Variants in KIF6 observed in about 807,000 individuals in gnomAD.
KIF6 encodes the protein kinesin-like protein KIF6.
Under a neutral mutation model 112.7 loss-of-function variants are expected in KIF6, and 106 were observed. That is an observed-to-expected ratio of 0.94 (90% CI 0.80 to 1.11). The LOEUF (loss-of-function observed/expected upper bound fraction) is 1.11. Ranked by LOEUF, KIF6 falls within the 50% of genes least tolerant of loss-of-function variation. The probability of loss-of-function intolerance (pLI) is 0.00; values close to 1 mark genes in which losing one functional copy is unlikely to be tolerated. For synonymous variants in KIF6, 339 were observed against 339.9 expected, an observed-to-expected ratio of 1.00 and a Z score of 0.03; for missense variants, 929 against 964.0, an observed-to-expected ratio of 0.96 and a Z score of 0.48.
Position 39,361,789 on chromosome 6 carries a change from C to G in KIF6, c.1946+645G>C, listed in dbSNP as rs577012462. On this transcript the variant is annotated intron_variant, in intron 17 of 22. Transcript: ENST00000287152. ...CTGGGTGTGCGTCGGGGGGCAGGGGCGGTGGTGCATGCCAGGTCAGCTGGG... is the reference window on the plus strand; with the variant it reads ...CTGGGTGTGCGTCGGGGGGCAGGGGGGGTGGTGCATGCCAGGTCAGCTGGG... Among the ~76,000 whole-genome samples the G allele has an allele frequency of 1.3e-3, 146 of 108,614 alleles. 1 individual carries two copies. The highest frequency in any genetic ancestry group is 4.7e-3 in the African/African-American group (135 of 28,620). The allele number at this position is 108,614 out of a possible 152,430, so 71.3% of individuals were successfully genotyped here. A position where few individuals can be genotyped will look rare whatever the true frequency, so the allele number is the denominator to read the frequency against.
intron 13 of KIF6, among the ~76,000 whole-genome samples, chr6:39,530,513 A>G (rs1242932062): frequency 6.6e-6 from 1 of 152,224 alleles, no homozygotes; most frequent in Non-Finnish European, 1.5e-5. Context: ...AAACCAAAAC[A>G]GACATTTAAA....
At chr6:39,423,363 C>T (rs1001912717) in intron 14 of KIF6, among the ~76,000 whole-genome samples, 1 of 152,122 alleles carries the variant, frequency 6.6e-6, no homozygotes, top group Non-Finnish European at 1.5e-5. Flanking sequence ...GTCTTTTTCC[C>T]CCTCTCTCTG....
chr6:39,339,203 CCAGCTCTCACCA>C (rs1339599198), intron 22 of KIF6, among the ~76,000 whole-genome samples: 1 of 152,132 alleles, frequency 6.6e-6, no homozygotes, highest in Non-Finnish European at 1.5e-5. Context: ...TGGTGTTGGG[CCAGCTCTCACCA>C]CAGAGGCCAC....
chr6:39,374,204 A>G (rs1300239286), intron 16 of KIF6, among the ~76,000 whole-genome samples: 1 of 152,216 alleles, frequency 6.6e-6, no homozygotes, highest in East Asian at 1.9e-4. Context: ...TCCCTATCTC[A>G]AACCATAAAG....
intron 15 of KIF6, among the ~76,000 whole-genome samples, chr6:39,396,437 A>T (rs796968030): frequency 9.2e-5 from 14 of 152,230 alleles, no homozygotes; most frequent in African/African-American, 3.4e-4. Flanking sequence ...TGCACTGGGA[A>T]ACTGTGGTGG....
At chr6:39,362,341 T>G in intron 17 of KIF6, 93 bp downstream of exon 17, 1 of 940,290 alleles carries the variant, frequency 1.1e-6, no homozygotes. Context: ...TGGACCCACA[T>G]CCCTGAGTAG....
intron 13 of KIF6, among the ~76,000 whole-genome samples, chr6:39,504,449 T>C (rs1006129485): frequency 2.0e-5 from 3 of 152,170 alleles, no homozygotes; most frequent in African/African-American, 7.2e-5. Context: ...AAGAGAAGGA[T>C]GTCCTCTGTC....
At chr6:39,688,099 A>G (rs1787978483) in intron 3 of KIF6, among the ~76,000 whole-genome samples, 1 of 152,222 alleles carries the variant, frequency 6.6e-6, no homozygotes, top group Non-Finnish European at 1.5e-5. Flanking sequence ...CTTGAGAAGG[A>G]ACTCATCTTC....
At chr6:39,429,082 A>G (rs776058919) in intron 14 of KIF6, among the ~76,000 whole-genome samples, 5 of 152,230 alleles carry the variant, frequency 3.3e-5, no homozygotes, top group Non-Finnish European at 7.3e-5. Context: ...GTCCATATAC[A>G]GAGCCATGTA....
intron 16 of KIF6, among the ~76,000 whole-genome samples, chr6:39,379,262 G>A (rs1766716379): frequency 6.6e-6 from 1 of 152,198 alleles, no homozygotes. Context: ...TTGCTCAGCT[G>A]TGGAGTCCAA....
chr6:39,384,415 G>T (rs540809050), intron 16 of KIF6, among the ~76,000 whole-genome samples: 1 of 152,176 alleles, frequency 6.6e-6, no homozygotes, highest in African/African-American at 2.4e-5. Context: ...AAGACACTTC[G>T]CAGAATCTCA....
rs1417206695 is a variant in KIF6 at position 39,364,777 on chromosome 6, G to A, written c.1862-2259C>T. ...TCAGCTAGATTCTTGGTCTCAGAGA[G>A]GGCCATGGATAACTCAAGGTTACAT... is the stretch of plus-strand genomic sequence containing the variant. On this transcript the variant is annotated intron_variant, in intron 16 of 22. Transcript: ENST00000287152. Among the ~76,000 whole-genome samples, 3 of 152,168 alleles carry A rather than the reference G, an allele frequency of 2.0e-5. No homozygotes were observed. In the East Asian group the frequency reaches 5.8e-4, roughly 29 times the overall value.
chr6:39,680,561 A>G (rs950163861), intron 3 of KIF6, among the ~76,000 whole-genome samples: 2 of 152,200 alleles, frequency 1.3e-5, no homozygotes, highest in African/African-American at 4.8e-5. Context: ...ACAGATAGAT[A>G]GTAGAGGGAG....
intron 15 of KIF6, among the ~76,000 whole-genome samples, chr6:39,399,327 T>C (rs546417439): frequency 1.3e-5 from 2 of 152,270 alleles, no homozygotes; most frequent in Admixed American, 1.3e-4. Context: ...TGTCCCCACC[T>C]CACATGTGAA....
chr6:39,644,640 TAGAC>T (rs757352325), intron 3 of KIF6, among the ~76,000 whole-genome samples: 9 of 152,190 alleles, frequency 5.9e-5, no homozygotes, highest in Non-Finnish European at 8.8e-5. Context: ...AGGTTAGTGT[TAGAC>T]AGGGGCTAGA....
chr6:39,477,005 C>T (rs1581938308), intron 13 of KIF6, among the ~76,000 whole-genome samples: 1 of 152,162 alleles, frequency 6.6e-6, no homozygotes, highest in East Asian at 1.9e-4. Flanking sequence ...TGAAAATCTA[C>T]TTTGTAGCGA....
intron 3 of KIF6, among the ~76,000 whole-genome samples, chr6:39,659,119 C>A (rs145265141): frequency 6.6e-6 from 1 of 152,046 alleles, no homozygotes; most frequent in African/African-American, 2.4e-5. Flanking sequence ...AAATTTAAAC[C>A]GGAAAACTGG....
chr6:39,680,535 G>T (rs555806306), intron 3 of KIF6, among the ~76,000 whole-genome samples: 13 of 152,266 alleles, frequency 8.5e-5, no homozygotes, highest in South Asian at 8.3e-4. Context: ...AGGGAAATGG[G>T]TCAGCTACCT....
At chr6:39,366,303 C>T (rs552991276) in intron 16 of KIF6, among the ~76,000 whole-genome samples, 7 of 152,320 alleles carry the variant, frequency 4.6e-5, no homozygotes, top group Admixed American at 1.3e-4. Flanking sequence ...GTGGCTTGTG[C>T]GATGCCACAA....
Sources: gnomAD v4.1 joint callset for allele counts (sites outside exome capture counted in the v4.1 genomes callset) on GRCh38, gnomAD v4.1.1 for gene constraint, MANE v1.5 for transcripts, NCBI Gene and HGNC (gene_info 2026-07-23, HGNC 2026-07-21) for gene names.